The following FOXP1 variants were observed in gnomAD, a reference collection of about 807,000 sequenced individuals.
FOXP1 encodes the protein forkhead box protein P1.
In FOXP1, 15 loss-of-function variants were observed where a neutral mutation model predicts 98.2. The ratio of observed to expected loss-of-function variants is 0.15; its 90% CI spans 0.10 to 0.24. The LOEUF is 0.24. FOXP1 is among the 10% of genes least tolerant of loss of function. The pLI is 1.00. For synonymous variants in FOXP1, 371 were observed against 314.5 expected (o/e 1.18, Z -1.90); for missense variants, 633 against 848.5 (o/e 0.75, Z 3.15).
At chr3:71,519,262 A>C (rs1048711267) in intron 2 of FOXP1, among the ~76,000 whole-genome samples, 1 of 152,188 alleles carries the variant, frequency 6.6e-6, no homozygotes, top group African/African-American at 2.4e-5. Context: ...AACTAACTAA[A>C]TAAATAATAA....
intron 3 of FOXP1, among the ~76,000 whole-genome samples, chr3:71,422,286 C>T (rs1249067687): frequency 1.3e-5 from 2 of 152,228 alleles, no homozygotes; most frequent in South Asian, 2.1e-4. Flanking sequence ...AACCCTCCCC[C>T]TTTTCACTCC....
At chr3:70,969,942 C>A (rs556810365) in intron 19 of FOXP1, 1 of 152,418 alleles carries the variant, frequency 6.6e-6, no homozygotes, top group Middle Eastern at 3.4e-3. Context: ...GACTTGAGTA[C>A]TACACCCAGG....
chr3:71,197,519 C>T (rs2063367471), intron 6 of FOXP1, among the ~76,000 whole-genome samples: 1 of 152,158 alleles, frequency 6.6e-6, no homozygotes, highest in Admixed American at 6.5e-5. Context: ...AAAAGTATAA[C>T]TAACAGGAAT....
intron 4 of FOXP1, among the ~76,000 whole-genome samples, chr3:71,343,004 G>C (rs2077103575): frequency 1.3e-5 from 2 of 152,118 alleles, no homozygotes; most frequent in South Asian, 2.1e-4. Flanking sequence ...CATGAAGGTG[G>C]TAAGAGGAGC....
At position 70,959,661 on chromosome 3, in the gene FOXP1, A is replaced by G. The variant is rs1392502138; in HGVS notation, c.1890-270T>C. On this transcript the variant is annotated intron_variant, in intron 20 of 20. Coordinates refer to ENST00000649528, the MANE Select transcript of FOXP1 (RefSeq NM_001349338.3). ...TTCTGGCCAGCACAGAGACAGACGG[A>G]ACATTTGCATCACTGCGTAAAGTTC... 2.0e-5 allele frequency among the ~76,000 whole-genome samples: 3 copies of G among 152,332 alleles called. No individual in the cohort carries two copies. In the East Asian group the frequency reaches 5.8e-4, roughly 29 times the overall value.
chr3:71,063,575 T>A (rs1045734659), intron 7 of FOXP1, among the ~76,000 whole-genome samples: 7 of 152,236 alleles, frequency 4.6e-5, no homozygotes, highest in African/African-American at 1.4e-4. Context: ...CTTTAAACTT[T>A]AAAAAATCTG....
At position 70,955,656 on chromosome 3, in the gene FOXP1, A is replaced by T; in HGVS notation, c.*3591T>A. 4.3e-6 allele frequency: 1 copy of T among 233,464 alleles called. No homozygotes were observed. Among genetic ancestry groups the T allele is most frequent in the Middle Eastern group, 1.3e-3 (1 of 786 alleles). 14.5% of individuals were successfully genotyped at this position (233,464 alleles called of 1,614,324 possible). On this transcript the variant is annotated 3_prime_UTR_variant, in exon 21 of 21. Transcript: ENST00000649528. ...TCACTGATAAACTTGGAAAAGTGTG[A>T]CCCTGGAATTTCATCATGCAAAATA...
chr3:71,248,673 G>A (rs946441192), intron 5 of FOXP1, among the ~76,000 whole-genome samples: 2 of 151,866 alleles, frequency 1.3e-5, no homozygotes, highest in African/African-American at 2.4e-5. Context: ...CCTGGCAGGC[G>A]GAGCTTGCAG....
At chr3:70,973,170 G>T (rs971247697) in intron 17 of FOXP1, among the ~76,000 whole-genome samples, 4 of 152,154 alleles carry the variant, frequency 2.6e-5, no homozygotes, top group African/African-American at 9.7e-5. Context: ...GAATTCTAAA[G>T]TGGATTTTAC....
intron 2 of FOXP1, among the ~76,000 whole-genome samples, chr3:71,558,020 T>A (rs570926261): frequency 1.3e-5 from 2 of 152,180 alleles, no homozygotes; most frequent in South Asian, 4.1e-4. Flanking sequence ...TTTCACTATG[T>A]CGGCCGGGCT....
At chr3:71,406,383 T>G (rs535845378) in intron 3 of FOXP1, among the ~76,000 whole-genome samples, 1 of 87,752 alleles carries the variant, frequency 1.1e-5, no homozygotes, top group Non-Finnish European at 3.0e-5. Flanking sequence ...TTGTTTTTAA[T>G]TGACACATAA....
chr3:71,582,213 G>A (rs908353678), intron 1 of FOXP1: 2 of 985,036 alleles, frequency 2.0e-6, no homozygotes, highest in African/African-American at 1.8e-5. Flanking sequence ...CTCACAACAG[G>A]TGGGGAGGGG....
chr3:71,351,879 A>T (rs2077804948), intron 4 of FOXP1, among the ~76,000 whole-genome samples: 1 of 152,242 alleles, frequency 6.6e-6, no homozygotes, highest in Non-Finnish European at 1.5e-5. Context: ...TCTAGAGAAA[A>T]TGTCTTAACA....
chr3:70,975,245 T>C (rs1387793015), intron 17 of FOXP1, among the ~76,000 whole-genome samples: 3 of 152,230 alleles, frequency 2.0e-5, no homozygotes, highest in African/African-American at 7.2e-5. Context: ...CTGAAGAAAA[T>C]GTCTGCCTCA....
At chr3:71,336,809 C>T (rs4677606) in intron 4 of FOXP1, among the ~76,000 whole-genome samples, 61,277 of 151,986 alleles carry the variant, frequency 0.4, 14,006 homozygotes, top group East Asian at 0.73. Context: ...ACAACACCAC[C>T]TAGAGTTGTG....
rs1237965280 is a variant in FOXP1, at chr3:70,955,741, G to C, written c.*3506C>G. 4.3e-6 allele frequency: 1 copy of C among 232,862 alleles called. No homozygotes were observed. Among genetic ancestry groups the C allele is most frequent in the Non-Finnish European group, 8.5e-6 (1 of 117,952 alleles). The allele number at this position is 232,862 out of a possible 1,614,324, so 14.4% of individuals were successfully genotyped here. On this transcript the variant is annotated 3_prime_UTR_variant, in exon 21 of 21. Transcript: ENST00000649528. The stretch of plus-strand genomic sequence containing the variant: ...CATTTTTTTTTCTTTTCAAATGTAT[G>C]AACTTGTTTAAGATAGCCAGGAAGG...
intron 2 of FOXP1, among the ~76,000 whole-genome samples, chr3:71,550,655 A>G (rs1235609806): frequency 6.6e-6 from 1 of 152,268 alleles, no homozygotes; most frequent in Admixed American, 6.5e-5. Context: ...CAATAAACCC[A>G]TAAGGATACC....
intron 3 of FOXP1, among the ~76,000 whole-genome samples, chr3:71,432,273 C>T (rs1053864079): frequency 4.8e-4 from 73 of 152,276 alleles, no homozygotes; most frequent in Non-Finnish European, 3.1e-4. Flanking sequence ...CCAGCACAGA[C>T]GCAGAATATT....
intron 3 of FOXP1, among the ~76,000 whole-genome samples, chr3:71,373,275 G>A (rs143712900): frequency 2.6e-5 from 4 of 152,188 alleles, no homozygotes; most frequent in Non-Finnish European, 5.9e-5. Flanking sequence ...AGTTAATGCT[G>A]CATGATTTTG....
Sources: allele counts gnomAD v4.1 joint callset (sites outside exome capture counted in the v4.1 genomes callset), GRCh38; gene constraint gnomAD v4.1.1; transcripts MANE v1.5; gene names NCBI Gene and HGNC (gene_info 2026-07-23, HGNC 2026-07-21).